Variants in TMPO observed in about 807,000 individuals in gnomAD.
The protein encoded by TMPO is thymopoietin, also known as LEM domain containing 4.
Under a neutral mutation model 45.4 loss-of-function variants are expected in TMPO, and 22 were observed. The ratio of observed to expected loss-of-function variants is 0.48; its 90% CI spans 0.35 to 0.69. TMPO has a LOEUF of 0.69. Among genes scored for constraint, TMPO ranks in the 30% least tolerant of loss-of-function variants. The pLI is 0.01. For synonymous variants in TMPO, 241 were observed against 204.1 expected, an observed-to-expected ratio of 1.18 and a Z score of -1.54; for missense variants, 512 against 548.8, an observed-to-expected ratio of 0.93 and a Z score of 0.67.
chr12:98,515,810 C>G lies in TMPO; in HGVS notation c.-58C>G. The G allele has an allele frequency of 6.4e-7, 1 of 1,568,938 alleles. No homozygotes were observed. Among genetic ancestry groups the G allele is most frequent in the Non-Finnish European group, 8.6e-7 (1 of 1,158,564 alleles). ...CGCGGTCCCCGGCCAGGAGCAAGCGCGCCGGCGTGAGCGGCGGCGGCAAAG... is the reference window on the plus strand; with the variant it reads ...CGCGGTCCCCGGCCAGGAGCAAGCGGGCCGGCGTGAGCGGCGGCGGCAAAG... On this transcript the variant is annotated 5_prime_UTR_variant, in exon 1 of 9. Transcript: ENST00000556029.
chr12:98,522,751 A>C (rs1876463948), intron 1 of TMPO, among the ~76,000 whole-genome samples: 1 of 152,238 alleles, frequency 6.6e-6, no homozygotes, highest in African/African-American at 2.4e-5. Flanking sequence ...ATATCATAGC[A>C]TGCAGATTTC....
At chr12:98,527,342 A>C (rs1378771488) in intron 1 of TMPO, among the ~76,000 whole-genome samples, 3 of 148,842 alleles carry the variant, frequency 2.0e-5, no homozygotes, top group South Asian at 2.1e-4. Context: ...CTACAAAAAA[A>C]AAAAAAAACA....
Position 98,515,860 on chromosome 12 carries a change from TC to T in TMPO, c.-4del, listed in dbSNP as rs1426450551. 2 of 1,611,268 alleles carry T rather than the reference TC, an allele frequency of 1.2e-6. No homozygotes were observed. Among genetic ancestry groups the T allele is most frequent in the East Asian group, 2.2e-5 (1 of 44,696 alleles). Reference sequence around the variant, plus strand: ...GGCTGTGGGGAGGGGGCTTCGCAGATCCCCGAGATGCCGGAGTTCCTGGAAG... The same window carrying T: ...GGCTGTGGGGAGGGGGCTTCGCAGATCCCGAGATGCCGGAGTTCCTGGAAG... On this transcript the variant is annotated 5_prime_UTR_variant, in exon 1 of 9. Transcript: ENST00000556029.
At chr12:98,530,656 AGTT>A (rs1877128697) in intron 2 of TMPO, among the ~76,000 whole-genome samples, 1 of 152,222 alleles carries the variant, frequency 6.6e-6, no homozygotes, top group Non-Finnish European at 1.5e-5. Context: ...TTAACTGCAA[AGTT>A]GTTATATTTA....
chr12:98,537,367 T>G (rs2121224268), intron 3 of TMPO, 108 bp from the exon 4 acceptor site: 1 of 885,538 alleles, frequency 1.1e-6, no homozygotes, highest in East Asian at 2.6e-5. Flanking sequence ...TAGACTTGTT[T>G]TTCACCTTTT....
chr12:98,538,799 C>T (rs930437156), intron 4 of TMPO, among the ~76,000 whole-genome samples: 13 of 152,188 alleles, frequency 8.5e-5, no homozygotes, highest in African/African-American at 2.9e-4. Flanking sequence ...ACATACAGAG[C>T]ATTGAATGAA....
Position 98,531,807 on chromosome 12 carries a change from T to C in TMPO, c.534T>C (p.Asn178=), listed in dbSNP as rs200016687. 2.5e-4 allele frequency: 402 copies of C among 1,613,622 alleles called. No individual in the cohort carries two copies. The highest frequency in any genetic ancestry group is 3.3e-4 in the Non-Finnish European group (395 of 1,179,858). The change falls in exon 3 of 9, where the codon AAT becomes AAC. Residue 178 remains asparagine, a synonymous_variant. Transcript: ENST00000556029. ...AAAATACAAGGCAGAATGGAAGTAA[T>C]GATTCTGACAGATACAGTGACAATG... is the stretch of plus-strand genomic sequence containing the variant. ...SAENTRQNGS[N]DSDRYSDNEE...
intron 1 of TMPO, among the ~76,000 whole-genome samples, chr12:98,526,772 A>G (rs1876791241): frequency 2.0e-5 from 3 of 152,114 alleles, no homozygotes; most frequent in Non-Finnish European, 4.4e-5. Flanking sequence ...ATTCTGGCCA[A>G]CATGTTGAAA....
rs1878138166 is a variant in TMPO, at chr12:98,544,992, T to C, written c.921T>C (p.Pro307=). 9 of 1,613,672 alleles carry C rather than the reference T, an allele frequency of 5.6e-6. No individual in the cohort carries two copies. The highest frequency in any genetic ancestry group is 4.4e-5 in the South Asian group (4 of 91,074). ...RVTGNFKHAS[P]ILPITEFSDI... ...CTGGAAATTTCAAGCATGCATCTCCTATTCTGCCAATCACTGAATTCTCAG... is the reference window on the plus strand; with the variant it reads ...CTGGAAATTTCAAGCATGCATCTCCCATTCTGCCAATCACTGAATTCTCAG... Residue 307 remains proline (P), a synonymous_variant, in exon 7 of 9, where the codon CCT becomes CCC. Transcript: ENST00000556029.
chr12:98,535,225 T>C, intron 3 of TMPO: 1 of 984,032 alleles, frequency 1.0e-6, no homozygotes. Flanking sequence ...CATGATATAT[T>C]GTATTTTGTG....
rs149809782 is a variant in TMPO, at chr12:98,522,412, C to A, written c.280-5474C>A. Among the ~76,000 whole-genome samples the A allele has an allele frequency of 1.5e-3, 223 of 152,278 alleles. 2 individuals are homozygous for A. The highest frequency in any genetic ancestry group is 5.1e-3 in the African/African-American group (212 of 41,552). On this transcript the variant is annotated intron_variant, in intron 1 of 8. Transcript: ENST00000556029. ...TGTTAATTAAATCACAAATTTACCACCACTGTATAATAAGGTGTTAAGTTT... is the reference window on the plus strand; with the variant it reads ...TGTTAATTAAATCACAAATTTACCAACACTGTATAATAAGGTGTTAAGTTT...
intron 3 of TMPO, chr12:98,533,965 T>C (rs1305942401): frequency 1.2e-6 from 2 of 1,611,840 alleles, no homozygotes. Flanking sequence ...CTTAGCACTC[T>C]GTAGAGCATA....
rs774087872 is a variant in TMPO at position 98,547,720 on chromosome 12, C to T, written c.1227C>T (p.Arg409=). 2.5e-6 allele frequency: 4 copies of T among 1,614,052 alleles called. No individual in the cohort carries two copies. Among genetic ancestry groups the T allele is most frequent in the African/African-American group, 1.3e-5 (1 of 74,928 alleles). ...AGTCAGAAAAGACAAAAAAGGGACG[C>T]TCCATTCCCGTATGGATAAAAATTT... ...DVKSEKTKKG[R]SIPVWIKILL... Residue 409 remains arginine (R), a synonymous_variant, in exon 9 of 9, where the codon CGC becomes CGT. Coordinates refer to ENST00000556029, the MANE Select transcript of TMPO (RefSeq NM_001032283.3).
At chr12:98,535,221 A>G in intron 3 of TMPO, 4 of 983,938 alleles carry the variant, frequency 4.1e-6, no homozygotes, top group Non-Finnish European at 4.8e-6. Context: ...CTTTCATGAT[A>G]TATTGTATTT....
chr12:98,531,363 AGT>A (rs1277270622), intron 2 of TMPO, among the ~76,000 whole-genome samples: 4 of 150,560 alleles, frequency 2.7e-5, no homozygotes, highest in African/African-American at 9.8e-5. Flanking sequence ...CAGCCTCCCA[AGT>A]AGCTGGGATC....
In TMPO at chr12:98,515,598, C is replaced by G; in HGVS notation, c.-270C>G. On this transcript the variant is annotated 5_prime_UTR_variant, in exon 1 of 9. Coordinates refer to ENST00000556029, the MANE Select transcript of TMPO (RefSeq NM_001032283.3). ...GTTCTTGGGGCGTGGGCGAAGCAGG[C>G]TGCTCGCCTCCTGCCTGTAGTGTGT... 3.7e-6 allele frequency: 2 copies of G among 543,682 alleles called. No individual in the cohort carries two copies. The highest frequency in any genetic ancestry group is 3.3e-5 in the East Asian group (1 of 29,878). 33.7% of individuals were successfully genotyped at this position (543,682 alleles called of 1,614,324 possible). A position where few individuals can be genotyped will look rare whatever the true frequency, so the allele number is the denominator to read the frequency against.
intron 1 of TMPO, among the ~76,000 whole-genome samples, chr12:98,521,239 C>G (rs1390422629): frequency 6.6e-6 from 1 of 151,090 alleles, no homozygotes; most frequent in African/African-American, 2.4e-5. Context: ...TCCCGATTAG[C>G]TGGGGCTACG....
chr12:98,537,033 A>G (rs754092583), intron 3 of TMPO, among the ~76,000 whole-genome samples: 2 of 152,266 alleles, frequency 1.3e-5, no homozygotes, highest in East Asian at 1.9e-4. Context: ...TTTCCCTTCT[A>G]TGTTCCAAAT....
chr12:98,528,038 G>C, intron 2 of TMPO, 26 bp downstream of exon 2: 1 of 1,613,344 alleles, frequency 6.2e-7, no homozygotes, highest in Non-Finnish European at 8.5e-7. Context: ...TTCAAATACA[G>C]TATCTTTTCT....
Sources: allele counts gnomAD v4.1 joint callset (sites outside exome capture counted in the v4.1 genomes callset), GRCh38; gene constraint gnomAD v4.1.1; transcripts MANE v1.5; gene names NCBI Gene and HGNC (gene_info 2026-07-23, HGNC 2026-07-21).